The following EFHC1 variants were observed in gnomAD, a reference collection of about 807,000 sequenced individuals.
EFHC1 encodes the protein EF-hand domain-containing protein 1.
EFHC1 carries 53 observed loss-of-function variants against 69.9 expected under a neutral mutation model. The ratio of observed to expected loss-of-function variants is 0.76; its 90% confidence interval spans 0.61 to 0.95. The LOEUF is 0.95. Ranked by LOEUF, EFHC1 falls within the 40% of genes least tolerant of loss-of-function variation. The pLI, the probability that EFHC1 is intolerant of heterozygous loss-of-function variation, is 0.00. For synonymous variants in EFHC1, 256 were observed against 278.4 expected, an observed-to-expected ratio of 0.92 and a Z score of 0.80; for missense variants, 739 against 798.7, an observed-to-expected ratio of 0.93 and a Z score of 0.90.
chr6:52,431,785 A>G (rs9463787), intron 2 of EFHC1, among the ~76,000 whole-genome samples: 35,532 of 151,938 alleles, frequency 0.23, 4,723 homozygotes, highest in East Asian at 0.61. Flanking sequence ...GGCTAGTGCT[A>G]TCAGTGGAGT....
At chr6:52,467,181 C>CT (rs35984636) in intron 6 of EFHC1, among the ~76,000 whole-genome samples, 29,579 of 134,856 alleles carry the variant, frequency 0.22, 3,719 homozygotes, top group Non-Finnish European at 0.3. Context: ...AGGACTTTGA[C>CT]TTTTTTTTTT....
intron 8 of EFHC1, 47 bp from the exon 9 acceptor site, chr6:52,479,593 C>A: frequency 1.9e-6 from 3 of 1,613,302 alleles, no homozygotes; most frequent in Non-Finnish European, 2.5e-6. Flanking sequence ...CTCCTGATTG[C>A]GTGAGAGAAC....
At chr6:52,480,021 A>T (rs1765640972) in intron 9 of EFHC1, 1 of 672,914 alleles carries the variant, frequency 1.5e-6, no homozygotes, top group Admixed American at 2.9e-5. Context: ...AGTTAGGGGT[A>T]CCAGCCTCCC....
chr6:52,428,570 T>C (rs973349337), intron 2 of EFHC1, among the ~76,000 whole-genome samples: 2 of 152,218 alleles, frequency 1.3e-5, no homozygotes, highest in Admixed American at 1.3e-4. Flanking sequence ...TCACATTTTC[T>C]TTGTCCACTT....
Position 52,423,985 on chromosome 6 carries a change from A to G in EFHC1, c.103A>G (p.Asn35Asp), listed in dbSNP as rs753381272. ...CAGAAGTCAGACGCTGAGCTACAGG[A>G]ACGGCTATGCAATTGTTCGACGTCC... ...FHRSQTLSYR[N>D]GYAIVRRPTV... The change falls in exon 2 of 11, where the codon AAC becomes GAC. Residue 35 changes from asparagine (N) to aspartate (D), a missense_variant. Asn to Asp is a conservative substitution (Grantham distance 23). Transcript: ENST00000371068. 1.9e-6 allele frequency: 3 copies of G among 1,614,116 alleles called. No individual in the cohort carries two copies. Among genetic ancestry groups the G allele is most frequent in the Non-Finnish European group, 2.5e-6 (3 of 1,180,024 alleles).
At chr6:52,421,127 T>C in intron 1 of EFHC1, 7 of 866,458 alleles carry the variant, frequency 8.1e-6, no homozygotes, top group Non-Finnish European at 9.7e-6. Context: ...CTCCATCTTC[T>C]ACATTTTCCA....
At chr6:52,486,433 A>G (rs1420588163) in intron 9 of EFHC1, 1 of 152,180 alleles carries the variant, frequency 6.6e-6, no homozygotes, top group Non-Finnish European at 1.5e-5. Context: ...ACATTTGTTC[A>G]TATGTATTAT....
intron 2 of EFHC1, among the ~76,000 whole-genome samples, chr6:52,433,557 C>G (rs1448661386): frequency 6.6e-6 from 1 of 152,178 alleles, no homozygotes; most frequent in African/African-American, 2.4e-5. Flanking sequence ...CCATAGATAC[C>G]AGCACCTGCT....
chr6:52,463,140 G>A (rs577250750), intron 5 of EFHC1, among the ~76,000 whole-genome samples: 20 of 150,262 alleles, frequency 1.3e-4, no homozygotes, highest in Middle Eastern at 3.5e-3. Context: ...CCATTCTCCC[G>A]CCTCAGCCTC....
chr6:52,476,100 C>T (rs922695114), intron 7 of EFHC1, among the ~76,000 whole-genome samples: 3 of 151,914 alleles, frequency 2.0e-5, no homozygotes, highest in Non-Finnish European at 2.9e-5. Context: ...AATGACAGGT[C>T]GGGGGCCAGC....
rs1765880162 is a variant in EFHC1, at chr6:52,490,603, T to A, written c.1851+253T>A. ...ACAGAGTGGTTAGTAGACCAACATGTCAGGACTGAAGAAGGGCAACAGAGA... is the reference window on the plus strand; with the variant it reads ...ACAGAGTGGTTAGTAGACCAACATGACAGGACTGAAGAAGGGCAACAGAGA... On this transcript the variant is annotated intron_variant, in intron 10 of 10. Coordinates refer to ENST00000371068, the MANE Select transcript of EFHC1 (RefSeq NM_018100.4). The A allele has an allele frequency of 2.7e-5, 16 of 595,240 alleles. No individual in the cohort carries two copies. In the Admixed American group the frequency reaches 4.8e-4, roughly 18 times the overall value. The allele number at this position is 595,240 out of a possible 1,614,324, so 36.9% of individuals were successfully genotyped here.
In EFHC1 at chr6:52,464,825, A is replaced by G. The variant is rs1765260570; in HGVS notation, c.917-70A>G. The G allele has an allele frequency of 6.7e-6, 9 of 1,352,644 alleles. No homozygotes were observed. In the South Asian group the frequency reaches 1.1e-4, roughly 16 times the overall value. The allele number at this position is 1,352,644 out of a possible 1,614,324, so 83.8% of individuals were successfully genotyped here. Reference sequence around the variant, plus strand: ...CCTCAGGTTCTCAAGAATGCCTGGCAGTTGTGTGTCAAGTCTTTCTTGACA... The same window carrying G: ...CCTCAGGTTCTCAAGAATGCCTGGCGGTTGTGTGTCAAGTCTTTCTTGACA... On this transcript the variant is annotated intron_variant, in intron 5 of 10. Transcript: ENST00000371068.
intron 9 of EFHC1, chr6:52,486,699 CTCT>C (rs1381903448): frequency 6.6e-6 from 1 of 152,212 alleles, no homozygotes; most frequent in Non-Finnish European, 1.5e-5. Context: ...TCTACTATCA[CTCT>C]TCTTCTCTTT....
rs1562467492 is a variant in EFHC1 at position 52,493,352 on chromosome 6, T to TTCTC, written c.*1019_*1022dup. The TTCTC allele has an allele frequency of 1.1e-5, 3 of 277,844 alleles. No homozygotes were observed. The African/African-American group carries it at 1.5e-4, about 13-fold the overall frequency. The allele number at this position is 277,844 out of a possible 1,614,324, so 17.2% of individuals were successfully genotyped here. On this transcript the variant is annotated 3_prime_UTR_variant, in exon 11 of 11. Coordinates refer to ENST00000371068, the MANE Select transcript of EFHC1 (RefSeq NM_018100.4). ...TGAGCAATTTCTTATAACTCTCTCT[T>TTCTC]TCTCTCTCTCTACATATATATATAT...
chr6:52,473,521 C>T (rs755112888), intron 7 of EFHC1, among the ~76,000 whole-genome samples: 25 of 152,142 alleles, frequency 1.6e-4, no homozygotes, highest in Middle Eastern at 3.2e-3. Flanking sequence ...TGGTTCATGC[C>T]TGTAATCCCA....
At chr6:52,464,271 A>G (rs941351824) in intron 5 of EFHC1, among the ~76,000 whole-genome samples, 12 of 152,218 alleles carry the variant, frequency 7.9e-5, no homozygotes, top group African/African-American at 7.2e-5. Context: ...GATTATTGTC[A>G]TCATCTCATT....
chr6:52,438,252 T>A lies in EFHC1; in HGVS notation c.286-52T>A. On this transcript the variant is annotated intron_variant, in intron 2 of 10. Coordinates refer to ENST00000371068, the MANE Select transcript of EFHC1 (RefSeq NM_018100.4). ...AGGAAGGTACTTGATATTTTTCAGA[T>A]GACTATGACAAGCTAATAGTACACC... is the stretch of plus-strand genomic sequence containing the variant. 1.9e-6 allele frequency: 3 copies of A among 1,554,592 alleles called. No individual in the cohort carries two copies. In the South Asian group the frequency reaches 3.4e-5, roughly 18 times the overall value.
intron 7 of EFHC1, among the ~76,000 whole-genome samples, chr6:52,477,961 A>G (rs1765578903): frequency 6.6e-6 from 1 of 152,174 alleles, no homozygotes; most frequent in Admixed American, 6.5e-5. Context: ...ATGCTGCTAT[A>G]AAGACACATG....
chr6:52,483,121 G>A lies in EFHC1; in HGVS notation c.1640+3334G>A, dbSNP rs1262716737. 19 of 349,140 alleles carry A rather than the reference G, an allele frequency of 5.4e-5. No homozygotes were observed. The South Asian group carries it at 2.4e-3, about 45-fold the overall frequency. 21.6% of individuals were successfully genotyped at this position (349,140 alleles called of 1,614,324 possible). On this transcript the variant is annotated intron_variant, in intron 9 of 10. Coordinates refer to ENST00000371068, the MANE Select transcript of EFHC1 (RefSeq NM_018100.4). The stretch of plus-strand genomic sequence containing the variant: ...TTGTCACTGATTGTGATATGCATCT[G>A]TTTAATTACATTGTGGTTAGTGGAC...
Sources: allele counts gnomAD v4.1 joint callset (sites outside exome capture counted in the v4.1 genomes callset), GRCh38; gene constraint gnomAD v4.1.1; transcripts MANE v1.5; gene names NCBI Gene and HGNC (gene_info 2026-07-23, HGNC 2026-07-21).